Variants in SERPINE2 observed in about 807,000 individuals in gnomAD.
SERPINE2 encodes the protein glia-derived nexin.
In SERPINE2, 14 loss-of-function variants were observed where a neutral mutation model predicts 36.3. The observed-to-expected ratio is 0.39, with a 90% CI of 0.25 to 0.60. The LOEUF (loss-of-function observed/expected upper bound fraction) is 0.60, where lower values mean the gene tolerates loss of function less well. Among genes scored for constraint, SERPINE2 ranks in the 20% least tolerant of loss-of-function variants. The pLI is 0.57. For synonymous variants in SERPINE2, 192 were observed against 191.8 expected, an observed-to-expected ratio of 1.00 and a Z score of -0.01; for missense variants, 418 against 499.6, an observed-to-expected ratio of 0.84 and a Z score of 1.56.
chr2:224,002,968 G>A (rs1279467711), intron 1 of SERPINE2, among the ~76,000 whole-genome samples: 1 of 152,120 alleles, frequency 6.6e-6, no homozygotes, highest in African/African-American at 2.4e-5. Context: ...AAGCCAGCAA[G>A]CAATAAAGCA....
At chr2:223,998,087 A>C (rs1690963719) in intron 3 of SERPINE2, 28 bp downstream of exon 3, 1 of 1,557,072 alleles carries the variant, frequency 6.4e-7, no homozygotes, top group Non-Finnish European at 8.9e-7. Context: ...CAAACTATGC[A>C]ATCAAATGAC....
intron 1 of SERPINE2, among the ~76,000 whole-genome samples, chr2:224,031,632 G>A (rs1315112025): frequency 1.3e-5 from 2 of 152,084 alleles, no homozygotes; most frequent in African/African-American, 2.4e-5. Context: ...GGACGAGCAT[G>A]TGACCATGTG....
At position 223,998,227 on chromosome 2, in the gene SERPINE2, A is replaced by C; in HGVS notation, c.375T>G (p.Pro125=). 1.2e-6 allele frequency: 2 copies of C among 1,614,178 alleles called. No individual in the cohort carries two copies. ...FVKNASEIEV[P]FVTRNKDVFQ... ...ACACATCTTTGTTCCTTGTAACAAA[A>C]GGCACTTCAATTTCAGAGGCATTCT... Residue 125 remains proline, a synonymous_variant, in exon 3 of 9, where the codon CCT becomes CCG. Coordinates refer to ENST00000409304, the MANE Select transcript of SERPINE2 (RefSeq NM_001136528.2).
At chr2:224,010,205 T>G (rs1691575567) in intron 1 of SERPINE2, 1 of 225,068 alleles carries the variant, frequency 4.4e-6, no homozygotes, top group African/African-American at 2.3e-5. Context: ...TTTTAAAATG[T>G]GTTTTTCAGG....
At chr2:224,005,065 TTATATATATATATA>T (rs71058976) in intron 1 of SERPINE2, among the ~76,000 whole-genome samples, 1 of 33,560 alleles carries the variant, frequency 3.0e-5, no homozygotes, top group South Asian at 8.7e-4. Context: ...TTTATATATA[TTATATATATATATA>T]TATATATATA....
chr2:224,029,177 A>G (rs1692280201), intron 1 of SERPINE2, among the ~76,000 whole-genome samples: 1 of 152,136 alleles, frequency 6.6e-6, no homozygotes, highest in South Asian at 2.1e-4. Context: ...CAGGTTTGGC[A>G]TAAGATAATA....
intron 4 of SERPINE2, among the ~76,000 whole-genome samples, chr2:223,990,667 C>T (rs1690626874): frequency 6.6e-6 from 1 of 152,226 alleles, no homozygotes; most frequent in East Asian, 1.9e-4. Context: ...GCTCATATCC[C>T]AGGCAAAGTG....
chr2:223,977,004 G>A (rs143264293), intron 8 of SERPINE2, among the ~76,000 whole-genome samples: 82 of 152,196 alleles, frequency 5.4e-4, no homozygotes, highest in African/African-American at 1.9e-3. Context: ...TTTATAAGGG[G>A]TTTCCCACTT....
intron 8 of SERPINE2, among the ~76,000 whole-genome samples, chr2:223,976,702 T>G (rs1387630430): frequency 6.6e-6 from 1 of 152,254 alleles, no homozygotes; most frequent in Non-Finnish European, 1.5e-5. Flanking sequence ...TAATAAGCAG[T>G]CAGCACTACT....
chr2:224,031,411 A>C (rs952603985), intron 1 of SERPINE2: 2 of 985,322 alleles, frequency 2.0e-6, no homozygotes, highest in South Asian at 9.4e-5. Context: ...GGAAAACAGA[A>C]AGAAAGGCAG....
intron 4 of SERPINE2, among the ~76,000 whole-genome samples, chr2:223,991,076 A>G (rs1422515413): frequency 6.6e-6 from 1 of 152,208 alleles, no homozygotes; most frequent in African/African-American, 2.4e-5. Flanking sequence ...TGACGTGTGA[A>G]TATAAAGAAA....
chr2:224,028,798 T>C (rs1692269256), intron 1 of SERPINE2, among the ~76,000 whole-genome samples: 1 of 152,142 alleles, frequency 6.6e-6, no homozygotes, highest in African/African-American at 2.4e-5. Context: ...CTGTGCCAGC[T>C]ATGGTGGGAG....
intron 1 of SERPINE2, among the ~76,000 whole-genome samples, chr2:224,010,120 A>G (rs1277880462): frequency 6.6e-6 from 1 of 152,248 alleles, no homozygotes; most frequent in Non-Finnish European, 1.5e-5. Context: ...AGTACTAGCA[A>G]AATGACTCAG....
intron 3 of SERPINE2, among the ~76,000 whole-genome samples, chr2:223,993,028 G>A (rs940062721): frequency 2.6e-5 from 4 of 152,178 alleles, no homozygotes; most frequent in Non-Finnish European, 5.9e-5. Flanking sequence ...GGGAGGCTGA[G>A]GTGGGAGGGT....
At position 224,016,575 on chromosome 2, in the gene SERPINE2, G is replaced by A. The variant is rs1336330270; in HGVS notation, c.-22-14653C>T. 4.0e-5 allele frequency among the ~76,000 whole-genome samples: 6 copies of A among 151,452 alleles called. No homozygotes were observed. The South Asian group carries it at 6.3e-4, about 16-fold the overall frequency. On this transcript the variant is annotated intron_variant, in intron 1 of 8. Coordinates refer to ENST00000409304, the MANE Select transcript of SERPINE2 (RefSeq NM_001136528.2). Reference sequence around the variant, plus strand: ...ATTTTTTTTTAATGTAAGTTTGGCCGTTTCTTACAAAACTAAACATGCACT... The same window carrying A: ...ATTTTTTTTTAATGTAAGTTTGGCCATTTCTTACAAAACTAAACATGCACT...
intron 1 of SERPINE2, among the ~76,000 whole-genome samples, chr2:224,008,647 C>T (rs558095958): frequency 1.3e-5 from 2 of 152,324 alleles, no homozygotes; most frequent in African/African-American, 2.4e-5. Flanking sequence ...TGTTTAGGCT[C>T]ATTTTATACA....
At chr2:224,037,992 A>T (rs1692584835) in intron 1 of SERPINE2, among the ~76,000 whole-genome samples, 1 of 152,214 alleles carries the variant, frequency 6.6e-6, no homozygotes, top group Non-Finnish European at 1.5e-5. Flanking sequence ...GAAATACTGC[A>T]AATAGCAAAT....
At chr2:224,005,062 A>ATTTT (rs1262774333) in intron 1 of SERPINE2, among the ~76,000 whole-genome samples, 7 of 12,206 alleles carry the variant, frequency 5.7e-4, no homozygotes, top group Non-Finnish European at 9.5e-4. Context: ...TATTTTATAT[A>ATTTT]TATTATATAT....
At chr2:223,994,462 C>T (rs530506831) in intron 3 of SERPINE2, among the ~76,000 whole-genome samples, 1 of 152,332 alleles carries the variant, frequency 6.6e-6, no homozygotes, top group African/African-American at 2.4e-5. Flanking sequence ...CACAGACATG[C>T]ATCTATCATC....
Sources: allele counts gnomAD v4.1 joint callset (sites outside exome capture counted in the v4.1 genomes callset), GRCh38; gene constraint gnomAD v4.1.1; transcripts MANE v1.5; gene names NCBI Gene and HGNC (gene_info 2026-07-23, HGNC 2026-07-21).